The following CARNS1 variants were observed in gnomAD, a reference collection of about 807,000 sequenced individuals.
The protein encoded by CARNS1 is carnosine synthase 1, also known as ATP-grasp domain containing 1.
In CARNS1, 61 loss-of-function variants were observed where a neutral mutation model predicts 74.0. The observed-to-expected ratio is 0.82, with a 90% confidence interval of 0.67 to 1.02. CARNS1 has a LOEUF of 1.02. CARNS1 is among the 50% of genes least tolerant of loss of function. The pLI, the probability that CARNS1 is intolerant of heterozygous loss-of-function variation, is 0.00. For synonymous variants in CARNS1, 568 were observed against 605.5 expected (o/e 0.94, Z 0.91); for missense variants, 1,278 against 1,308.4 (o/e 0.98, Z 0.36).
At chr11:67,420,123 C>T (rs961136632) in intron 7 of CARNS1, among the ~76,000 whole-genome samples, 1 of 152,176 alleles carries the variant, frequency 6.6e-6, no homozygotes, top group Non-Finnish European at 1.5e-5. Context: ...AGCTCTTGCC[C>T]ACGTAGAGGC....
rs1863787025 is a variant in CARNS1 at position 67,424,492 on chromosome 11, C to A, written c.2744C>A (p.Ala915Asp). The A allele has an allele frequency of 4.4e-6, 7 of 1,586,460 alleles. No individual in the cohort carries two copies. Among genetic ancestry groups the A allele is most frequent in the East Asian group, 2.3e-5 (1 of 43,420 alleles). ...YEEPYCSVAC[A>D]GPSPTEARLR... ...GAGCCCTACTGCAGTGTGGCCTGTG[C>A]CGGACCCAGCCCCACCGAGGCCCGT... is the stretch of plus-strand genomic sequence containing the variant. The change falls in exon 10 of 10, where the codon GCC (alanine) becomes GAC (aspartate). Residue 915 changes from alanine (A) to aspartate (D), a missense_variant. Transcript: ENST00000687366.
Position 67,423,295 on chromosome 11 carries a change from G to T in CARNS1, c.1627-80G>T. On this transcript the variant is annotated intron_variant, in intron 9 of 9. Coordinates refer to ENST00000687366, the MANE Select transcript of CARNS1 (RefSeq NM_001166222.2). The surrounding 1 kb of genome is among the most constrained non-coding windows in gnomAD (Gnocchi z 5.1). ...TTTGTGTACTCGTATCCCCTGAAGG[G>T]GCCATCCTAGGCCCCATCCTATCCC... 1.4e-6 allele frequency: 2 copies of T among 1,435,644 alleles called. No homozygotes were observed. The highest frequency in any genetic ancestry group is 1.9e-6 in the Non-Finnish European group (2 of 1,057,102). 88.9% of individuals were successfully genotyped at this position (1,435,644 alleles called of 1,614,324 possible). A position where few individuals can be genotyped will look rare whatever the true frequency, so the allele number is the denominator to read the frequency against.
chr11:67,418,671 C>G (rs1460254408), intron 4 of CARNS1, 85 bp from the exon 5 acceptor site: 2 of 1,465,416 alleles, frequency 1.4e-6, no homozygotes, highest in African/African-American at 1.4e-5. Context: ...GTTCTGGGAT[C>G]AGCTGCTTCC....
At position 67,419,578 on chromosome 11, in the gene CARNS1, T is replaced by A; in HGVS notation, c.944T>A (p.Val315Glu). The A allele has an allele frequency of 6.2e-7, 1 of 1,605,892 alleles. No homozygotes were observed. Among genetic ancestry groups the A allele is most frequent in the Non-Finnish European group, 8.5e-7 (1 of 1,177,932 alleles). ...GAGCTGGGTGCAGTGGTGGACACAGTGCTGGCGCTGCTGGAGAAGCTGGAG... is the reference window on the plus strand; with the variant it reads ...GAGCTGGGTGCAGTGGTGGACACAGAGCTGGCGCTGCTGGAGAAGCTGGAG... The part of the protein sequence containing the change: ...RAELGAVVDT[V>E]LALLEKLEEE... Residue 315 changes from valine (V) to glutamate (E), a missense_variant, in exon 6 of 10, where the codon GTG becomes GAG. Physicochemically the swap from Val to Glu is moderately radical, Grantham distance 121. Coordinates refer to ENST00000687366, the MANE Select transcript of CARNS1 (RefSeq NM_001166222.2).
rs373121513 is a variant in CARNS1 at position 67,419,841 on chromosome 11, G to A, written c.1113+3G>A. 2.4e-5 allele frequency: 37 copies of A among 1,574,356 alleles called. No homozygotes were observed. In the African/African-American group the frequency reaches 4.6e-4, roughly 20 times the overall value. The stretch of plus-strand genomic sequence containing the variant: ...GTGATAGGCCACTGCTGAGCAAGGT[G>A]AGCGTGGCCCAGGCCCAGGCTGTGA... On this transcript the variant is annotated splice_donor_region_variant and intron_variant, in intron 7 of 9. Transcript: ENST00000687366.
rs370587703 is a variant in CARNS1 at position 67,419,518 on chromosome 11, G to A, written c.884G>A (p.Arg295Gln). 2.1e-5 allele frequency: 34 copies of A among 1,609,952 alleles called. No homozygotes were observed. Among genetic ancestry groups the A allele is most frequent in the East Asian group, 1.1e-4 (5 of 44,832 alleles). ...GTGAAGCTCAGTGGCTGGCGCTGGC[G>A]GGGGCGGCAGGCATGGCGTCTGCAC... is the stretch of plus-strand genomic sequence containing the variant. The part of the protein sequence containing the change: ...VAVKLSGWRW[R>Q]GRQAWRLHPR... The change falls in exon 6 of 10, where the codon CGG (arginine) becomes CAG (glutamine). Residue 295 changes from arginine to glutamine, a missense_variant. Transcript: ENST00000687366.
rs565201901 is a variant in CARNS1 at position 67,419,243 on chromosome 11, G to A, written c.852G>A (p.Gln284=). 6 of 1,472,702 alleles carry A rather than the reference G, an allele frequency of 4.1e-6. No individual in the cohort carries two copies. In the African/African-American group the frequency reaches 5.6e-5, roughly 14 times the overall value. 91.2% of individuals were successfully genotyped at this position (1,472,702 alleles called of 1,614,324 possible). Residue 284 remains glutamine (Q), a splice_region_variant and synonymous_variant, in exon 5 of 10, where the codon CAG becomes CAA. Transcript: ENST00000687366. The part of the protein sequence containing the change: ...LRSEALGDIL[Q]VAVKLSGWRW... ...CCGAGGCCCTGGGTGATATCCTGCA[G>A]GTAACAGACTCTCGCCCACCCTGAG...
intron 2 of CARNS1, chr11:67,416,487 A>G: frequency 7.7e-7 from 1 of 1,305,792 alleles, no homozygotes; most frequent in Non-Finnish European, 9.8e-7. Flanking sequence ...GAGCCCAGGC[A>G]TGAGGCCCAG....
At chr11:67,422,042 T>C (rs1464429644) in intron 9 of CARNS1, among the ~76,000 whole-genome samples, 1 of 151,904 alleles carries the variant, frequency 6.6e-6, no homozygotes, top group Admixed American at 6.6e-5. Context: ...CCACCACGCC[T>C]GGCTAACTTT....
rs537047888 is a variant in CARNS1, at chr11:67,425,121, C to G, written c.*520C>G. On this transcript the variant is annotated 3_prime_UTR_variant, in exon 10 of 10. Transcript: ENST00000687366. ...AAACTTGGTGGCATCCAACCTGCCT[C>G]ATTCGGCCTGACCGGTAGAGGCAGG... The G allele has an allele frequency of 2.6e-5, 12 of 456,384 alleles. No individual in the cohort carries two copies. The East Asian group carries it at 8.3e-4, about 32-fold the overall frequency. 28.3% of individuals were successfully genotyped at this position (456,384 alleles called of 1,614,324 possible). A position where few individuals can be genotyped will look rare whatever the true frequency, so the allele number is the denominator to read the frequency against.
chr11:67,418,402 G>A (rs1378033528), intron 3 of CARNS1, 29 bp from the exon 4 acceptor site: 2 of 1,425,060 alleles, frequency 1.4e-6, no homozygotes, highest in South Asian at 1.5e-5. Context: ...GGCGCCCCTG[G>A]TGAGCTGGGC....
rs1253023089 is a variant in CARNS1, at chr11:67,419,824, C to T, written c.1099C>T (p.Pro367Ser). 1 of 1,588,972 alleles carries T rather than the reference C, an allele frequency of 6.3e-7. No individual in the cohort carries two copies. The highest frequency in any genetic ancestry group is 1.1e-5 in the South Asian group (1 of 87,240). ...GGTGTGTCGGACACAGGGTGATAGG[C>T]CACTGCTGAGCAAGGTGAGCGTGGC... ...AVVCRTQGDR[P>S]LLSKVVCGVG... The change falls in exon 7 of 10, where the codon CCA (proline) becomes TCA (serine). Residue 367 changes from proline (P) to serine (S), a missense_variant. Transcript: ENST00000687366.
chr11:67,419,995 C>T (rs560398165), intron 7 of CARNS1, among the ~76,000 whole-genome samples, 157 bp downstream of exon 7: 14 of 152,178 alleles, frequency 9.2e-5, no homozygotes, highest in Non-Finnish European at 1.8e-4. Flanking sequence ...TGGGTCTGAC[C>T]GTCTTCCCTC....
At chr11:67,418,693 CG>C in intron 4 of CARNS1, 62 bp from the exon 5 acceptor site, 2 of 1,485,340 alleles carry the variant, frequency 1.3e-6, no homozygotes, top group Non-Finnish European at 1.8e-6. Flanking sequence ...CTCCGCTACC[CG>C]GGGGCCCGGG....
rs969711697 is a variant in CARNS1 at position 67,417,360 on chromosome 11, G to A, written c.4-47G>A. ...CTTACACCCTTGGGTGACTTAATGT[G>A]CCCACTGGCCCACCCTGCCCAAGAC... On this transcript the variant is annotated intron_variant, in intron 2 of 9. Coordinates refer to ENST00000687366, the MANE Select transcript of CARNS1 (RefSeq NM_001166222.2). 4 of 1,289,024 alleles carry A rather than the reference G, an allele frequency of 3.1e-6. No individual in the cohort carries two copies. In the African/African-American group the frequency reaches 6.2e-5, roughly 20 times the overall value. 79.8% of individuals were successfully genotyped at this position (1,289,024 alleles called of 1,614,324 possible).
At position 67,423,691 on chromosome 11, in the gene CARNS1, A is replaced by G; in HGVS notation, c.1943A>G (p.His648Arg). 3 of 1,590,216 alleles carry G rather than the reference A, an allele frequency of 1.9e-6. No homozygotes were observed. The highest frequency in any genetic ancestry group is 8.5e-7 in the Non-Finnish European group (1 of 1,172,142). Reference sequence around the variant, plus strand: ...CCACCCTGGCCTGCGCCCTCCCTCCATGCTGTGCCCTGCTGCCCACTGGAG... The same window carrying G: ...CCACCCTGGCCTGCGCCCTCCCTCCGTGCTGTGCCCTGCTGCCCACTGGAG... The part of the protein sequence containing the change: ...HGPPWPAPSL[H>R]AVPCCPLESE... Residue 648 changes from histidine to arginine, a missense_variant, in exon 10 of 10, where the codon CAT (histidine) becomes CGT (arginine). Coordinates refer to ENST00000687366, the MANE Select transcript of CARNS1 (RefSeq NM_001166222.2). This position sits in a 1 kb window ranked among gnomAD's most constrained non-coding sequence, Gnocchi z 5.1.
chr11:67,418,275 C>A lies in CARNS1; in HGVS notation c.275-156C>A, dbSNP rs141690471. On this transcript the variant is annotated intron_variant, in intron 3 of 9. Transcript: ENST00000687366. ...AACCAGCTTCACGGGGCAGGACTGG[C>A]GGGCACCTCCATTCCCTGCCTGTCC... Among the ~76,000 whole-genome samples the A allele has an allele frequency of 7.9e-5, 12 of 152,048 alleles. 1 individual carries two copies. In the South Asian group the frequency reaches 1.2e-3, roughly 16 times the overall value.
In CARNS1 at chr11:67,419,673, C is replaced by G; in HGVS notation, c.1027+12C>G. The G allele has an allele frequency of 6.3e-7, 1 of 1,589,978 alleles. No homozygotes were observed. Among genetic ancestry groups the G allele is most frequent in the Non-Finnish European group, 8.6e-7 (1 of 1,168,794 alleles). ...GCTGCCCTGCTCAGGTGAGAGCCACCTGGGCTGACCAGGGATGGGAGTTTG... is the reference window on the plus strand; with the variant it reads ...GCTGCCCTGCTCAGGTGAGAGCCACGTGGGCTGACCAGGGATGGGAGTTTG... On this transcript the variant is annotated intron_variant, in intron 6 of 9. Coordinates refer to ENST00000687366, the MANE Select transcript of CARNS1 (RefSeq NM_001166222.2).
rs754214238 is a variant in CARNS1, at chr11:67,423,491, G to A, written c.1743G>A (p.Glu581=). 15 of 1,614,046 alleles carry A rather than the reference G, an allele frequency of 9.3e-6. No homozygotes were observed. Among genetic ancestry groups the A allele is most frequent in the African/African-American group, 1.3e-5 (1 of 75,068 alleles). ...RDEENARLLA[E]LVRARGLKLD... is the part of the protein sequence containing the mutation. ...AGGAGAACGCACGGCTGCTGGCAGA[G>A]TTGGTGCGGGCTCGCGGCCTCAAGC... Residue 581 remains glutamate (E), a synonymous_variant, in exon 10 of 10, where the codon GAG becomes GAA. Transcript: ENST00000687366. The surrounding 1 kb of genome is among the most constrained non-coding windows in gnomAD (Gnocchi z 5.1).
Sources: allele counts gnomAD v4.1 joint callset (sites outside exome capture counted in the v4.1 genomes callset), GRCh38; gene constraint gnomAD v4.1.1; non-coding constraint Gnocchi (gnomAD v3.1); transcripts MANE v1.5; gene names NCBI Gene and HGNC (gene_info 2026-07-23, HGNC 2026-07-21).